Variants in NEDD4L observed in about 807,000 individuals in gnomAD.
The protein encoded by NEDD4L is NEDD4 like E3 ubiquitin protein ligase, also known as E3 ubiquitin-protein ligase NEDD4-like.
NEDD4L carries 54 observed loss-of-function variants against 148.9 expected under a neutral mutation model. The observed-to-expected ratio is 0.36, with a 90% confidence interval of 0.29 to 0.45. The LOEUF is 0.45. Ranked by LOEUF, NEDD4L falls within the 20% of genes least tolerant of loss-of-function variation. The pLI is 1.00. For synonymous variants in NEDD4L, 433 were observed against 440.7 expected (o/e 0.98, Z 0.22); for missense variants, 856 against 1,233.8 (o/e 0.69, Z 4.59).
intron 1 of NEDD4L, among the ~76,000 whole-genome samples, chr18:58,096,347 A>AT (rs764818089): frequency 0.01 from 1,183 of 116,300 alleles, 37 homozygotes; most frequent in Non-Finnish European, 0.016. Context: ...ATTTTATTTT[A>AT]TTTATTTTAT....
intron 26 of NEDD4L, among the ~76,000 whole-genome samples, chr18:58,386,522 G>T (rs537068364): frequency 6.6e-6 from 1 of 152,254 alleles, no homozygotes; most frequent in Non-Finnish European, 1.5e-5. Context: ...AGTGGGCACT[G>T]CCCAGATCGA....
chr18:58,268,875 CG>C (rs1354700534), intron 5 of NEDD4L, among the ~76,000 whole-genome samples: 2 of 151,820 alleles, frequency 1.3e-5, no homozygotes, highest in East Asian at 3.9e-4. Flanking sequence ...AGGAGGGGAG[CG>C]TTCTATGGGA....
intron 18 of NEDD4L, 30 bp from the exon 19 acceptor site, chr18:58,357,164 A>ATTTT: frequency 2.1e-6 from 3 of 1,421,612 alleles, no homozygotes; most frequent in Non-Finnish European, 1.9e-6. Context: ...TAATGTTCTG[A>ATTTT]TTTTTTTTTT....
chr18:58,347,953 G>A (rs1457120099), intron 16 of NEDD4L, among the ~76,000 whole-genome samples: 7 of 142,116 alleles, frequency 4.9e-5, no homozygotes, highest in African/African-American at 1.6e-4. Context: ...AAGCTTATTT[G>A]GTTGATAGTG....
At chr18:58,343,896 C>T (rs979830319) in intron 16 of NEDD4L, among the ~76,000 whole-genome samples, 1 of 152,176 alleles carries the variant, frequency 6.6e-6, no homozygotes, top group Non-Finnish European at 1.5e-5. Flanking sequence ...AATCTCTATA[C>T]CTGTAATTAC....
intron 1 of NEDD4L, among the ~76,000 whole-genome samples, chr18:58,143,574 A>G (rs760936783): frequency 1.3e-5 from 2 of 152,248 alleles, no homozygotes; most frequent in African/African-American, 2.4e-5. Flanking sequence ...AAGATAAGAA[A>G]GCAAGCTCAC....
intron 5 of NEDD4L, among the ~76,000 whole-genome samples, chr18:58,279,038 AT>A (rs962386225): frequency 1.5e-3 from 224 of 145,694 alleles, no homozygotes; most frequent in Admixed American, 2.5e-3. Context: ...CATCCAGCTA[AT>A]TTTTTTTTTT....
chr18:58,054,795 T>C (rs1383562562), intron 1 of NEDD4L: 2 of 152,250 alleles, frequency 1.3e-5, no homozygotes, highest in Non-Finnish European at 2.9e-5. Context: ...GGCTCTTGGA[T>C]TGAACTACAT....
At chr18:58,325,187 A>T in intron 9 of NEDD4L, 25 bp downstream of exon 9, 1 of 1,612,820 alleles carries the variant, frequency 6.2e-7, no homozygotes, top group Non-Finnish European at 8.5e-7. Flanking sequence ...ATGGTCAGGA[A>T]CACGTGCACG....
chr18:58,327,732 C>T (rs2059429652), intron 9 of NEDD4L, among the ~76,000 whole-genome samples: 1 of 152,112 alleles, frequency 6.6e-6, no homozygotes. Context: ...TTGATAAGTA[C>T]TATATTTCAG....
At chr18:58,323,406 T>C (rs2059019700) in intron 8 of NEDD4L, 72 bp downstream of exon 8, 1 of 832,214 alleles carries the variant, frequency 1.2e-6, no homozygotes, top group South Asian at 1.6e-5. Flanking sequence ...AACTTTATAA[T>C]TGAAGGAAAT....
At chr18:58,070,572 A>G (rs2082814923) in intron 1 of NEDD4L, among the ~76,000 whole-genome samples, 1 of 152,124 alleles carries the variant, frequency 6.6e-6, no homozygotes, top group Admixed American at 6.5e-5. Flanking sequence ...GAAGGCTCTG[A>G]GCATTCTGAG....
rs756803297 is a variant in NEDD4L at position 58,248,090 on chromosome 18, ATGG to A, written c.205-807_205-805del. ...AATATCTATCGCTGTTGGTGAAGTG[ATGG>A]TTTTTTTTTACATACAATTTTTAAG... On this transcript the variant is annotated intron_variant, in intron 3 of 30. Transcript: ENST00000400345. 1.7e-4 allele frequency among the ~76,000 whole-genome samples: 26 copies of A among 152,282 alleles called. 1 individual carries two copies. The highest frequency in any genetic ancestry group is 2.8e-4 in the Non-Finnish European group (19 of 68,018).
intron 6 of NEDD4L, among the ~76,000 whole-genome samples, chr18:58,318,710 C>T (rs143340404): frequency 5.9e-5 from 9 of 152,320 alleles, no homozygotes; most frequent in African/African-American, 1.2e-4. Flanking sequence ...AATTATTTAG[C>T]GATAAAGAGA....
intron 2 of NEDD4L, among the ~76,000 whole-genome samples, chr18:58,212,780 T>G (rs1461275268): frequency 6.6e-6 from 1 of 152,152 alleles, no homozygotes; most frequent in Non-Finnish European, 1.5e-5. Flanking sequence ...CCTGAATATA[T>G]ATTTTTAAAC....
intron 1 of NEDD4L, among the ~76,000 whole-genome samples, chr18:58,047,787 C>T (rs1170163749): frequency 6.6e-6 from 1 of 152,068 alleles, no homozygotes; most frequent in Non-Finnish European, 1.5e-5. Context: ...GGCTTGAGTC[C>T]TTGTGGATTT....
At chr18:58,149,238 G>A (rs1270445604) in intron 1 of NEDD4L, 4 of 347,382 alleles carry the variant, frequency 1.2e-5, no homozygotes, top group Non-Finnish European at 2.0e-5. Flanking sequence ...TTCCTGAAGA[G>A]GTAACTTGGC....
At chr18:58,308,396 T>C (rs1384835341) in intron 5 of NEDD4L, among the ~76,000 whole-genome samples, 1 of 152,224 alleles carries the variant, frequency 6.6e-6, no homozygotes, top group East Asian at 1.9e-4. Context: ...GTCAGTGGCA[T>C]TTGTGCAGCT....
intron 2 of NEDD4L, among the ~76,000 whole-genome samples, chr18:58,184,030 G>T (rs774615139): frequency 1.3e-5 from 2 of 152,130 alleles, no homozygotes; most frequent in African/African-American, 4.8e-5. Flanking sequence ...TTAGCCAGGC[G>T]TGGTGGCGGG....
Sources: allele counts gnomAD v4.1 joint callset (sites outside exome capture counted in the v4.1 genomes callset), GRCh38; gene constraint gnomAD v4.1.1; transcripts MANE v1.5; gene names NCBI Gene and HGNC (gene_info 2026-07-23, HGNC 2026-07-21).